Variants in MACROD2 observed in about 807,000 individuals in gnomAD.
The protein encoded by MACROD2 is mono-ADP ribosylhydrolase 2, also known as ADP-ribose glycohydrolase MACROD2.
MACROD2 carries 36 observed loss-of-function variants against 70.4 expected under a neutral mutation model. The ratio of observed to expected loss-of-function variants is 0.51; its 90% confidence interval spans 0.39 to 0.68. The LOEUF is 0.68. MACROD2 is among the 30% of genes least tolerant of loss of function. MACROD2 has a pLI of 0.00. For missense variants in MACROD2, 496 were observed against 538.4 expected, an observed-to-expected ratio of 0.92 and a Z score of 0.78; for synonymous variants, 172 against 178.8, an observed-to-expected ratio of 0.96 and a Z score of 0.30.
intron 17 of MACROD2, among the ~76,000 whole-genome samples, chr20:16,046,925 A>G (rs924229432): frequency 2.0e-5 from 3 of 151,968 alleles, no homozygotes; most frequent in African/African-American, 7.3e-5. Context: ...CAAGTGATCT[A>G]CTTGCCTCGG....
chr20:14,006,611 CT>C (rs2052825961), intron 2 of MACROD2, among the ~76,000 whole-genome samples: 1 of 151,906 alleles, frequency 6.6e-6, no homozygotes, highest in Non-Finnish European at 1.5e-5. Flanking sequence ...AGGATTTTTT[CT>C]TTTACAATTG....
intron 5 of MACROD2, among the ~76,000 whole-genome samples, chr20:15,019,174 C>T (rs79776379): frequency 0.12 from 18,044 of 151,950 alleles, 1,221 homozygotes; most frequent in Non-Finnish European, 0.14. Flanking sequence ...CGCGCGCGCG[C>T]GCGCGGAGAG....
intron 5 of MACROD2, among the ~76,000 whole-genome samples, chr20:15,096,111 A>G (rs1204132064): frequency 6.6e-6 from 1 of 152,134 alleles, no homozygotes; most frequent in South Asian, 2.1e-4. Context: ...GAAGGTAGAT[A>G]CAATTAAAGT....
chr20:15,531,338 GTAT>G (rs1481243741), intron 8 of MACROD2, among the ~76,000 whole-genome samples: 2 of 149,610 alleles, frequency 1.3e-5, no homozygotes, highest in African/African-American at 2.5e-5. Flanking sequence ...ATATAAACAT[GTAT>G]TATTTATGTT....
At chr20:14,873,254 C>G (rs368923973) in intron 5 of MACROD2, among the ~76,000 whole-genome samples, 21 of 152,114 alleles carry the variant, frequency 1.4e-4, no homozygotes, top group African/African-American at 4.8e-4. Flanking sequence ...ATTATACTTA[C>G]ATTTATTATT....
intron 2 of MACROD2, among the ~76,000 whole-genome samples, chr20:14,055,883 T>G (rs6110153): frequency 0.18 from 26,687 of 152,068 alleles, 2,564 homozygotes; most frequent in South Asian, 0.23. Context: ...TATCTGGTAT[T>G]TAGCAGAGGC....
chr20:14,301,318 G>GA (rs1158894703), intron 3 of MACROD2, among the ~76,000 whole-genome samples: 1 of 151,912 alleles, frequency 6.6e-6, no homozygotes, highest in Non-Finnish European at 1.5e-5. Context: ...AAAAAATAAA[G>GA]AAAAAATAAA....
At chr20:16,027,801 G>T (rs190125148) in intron 15 of MACROD2, among the ~76,000 whole-genome samples, 1 of 152,270 alleles carries the variant, frequency 6.6e-6, no homozygotes, top group East Asian at 1.9e-4. Context: ...GGTGCATGAT[G>T]GGGTGGAGGG....
At chr20:15,305,055 A>G (rs1286222837) in intron 6 of MACROD2, among the ~76,000 whole-genome samples, 2 of 152,162 alleles carry the variant, frequency 1.3e-5, no homozygotes, top group African/African-American at 4.8e-5. Context: ...GCCCCCACCT[A>G]CATCTCATAC....
chr20:14,359,723 A>C lies in MACROD2; in HGVS notation c.272-133756A>C, dbSNP rs193066932. ...CCGTCTCTACAAACATTAGCCTGAC[A>C]TGGTGGCACACACCTATAGTCTCAG... On this transcript the variant is annotated intron_variant, in intron 3 of 17. Coordinates refer to ENST00000684519, the MANE Select transcript of MACROD2 (RefSeq NM_001351661.2). Among the ~76,000 whole-genome samples, 220 of 152,250 alleles carry C rather than the reference A, an allele frequency of 1.4e-3. 2 individuals carry two copies. Among genetic ancestry groups the C allele is most frequent in the Admixed American group, 0.013 (204 of 15,294 alleles).
chr20:15,818,352 G>A (rs569774897), intron 8 of MACROD2, among the ~76,000 whole-genome samples: 2 of 152,272 alleles, frequency 1.3e-5, no homozygotes, highest in African/African-American at 2.4e-5. Flanking sequence ...AAAAGGGTGG[G>A]CAATTCCCAG....
intron 8 of MACROD2, among the ~76,000 whole-genome samples, chr20:15,585,850 T>C: frequency 6.6e-6 from 1 of 152,180 alleles, no homozygotes; most frequent in East Asian, 1.9e-4. Context: ...GGTGTGCTTC[T>C]GGGAAAACCC....
At chr20:15,768,340 G>A (rs11699274) in intron 8 of MACROD2, among the ~76,000 whole-genome samples, 5 of 152,044 alleles carry the variant, frequency 3.3e-5, no homozygotes, top group African/African-American at 1.2e-4. Context: ...ACATGTTACT[G>A]TACTGAATAC....
intron 5 of MACROD2, among the ~76,000 whole-genome samples, chr20:14,813,218 T>G (rs1350822381): frequency 6.6e-6 from 1 of 151,966 alleles, no homozygotes; most frequent in Non-Finnish European, 1.5e-5. Flanking sequence ...CCAGGATACA[T>G]GTACAGGGTG....
intron 3 of MACROD2, among the ~76,000 whole-genome samples, chr20:14,308,102 T>C (rs916669651): frequency 7.2e-5 from 11 of 152,154 alleles, no homozygotes; most frequent in Admixed American, 2.0e-4. Context: ...ACAGAGTCAG[T>C]GTATTTGCTC....
intron 7 of MACROD2, among the ~76,000 whole-genome samples, chr20:15,476,117 T>C (rs1488291304): frequency 6.6e-6 from 1 of 152,188 alleles, no homozygotes; most frequent in Non-Finnish European, 1.5e-5. Flanking sequence ...ATAAGTTATC[T>C]AGATTTTTGA....
chr20:14,132,201 A>T (rs2054728066), intron 3 of MACROD2, among the ~76,000 whole-genome samples: 1 of 148,546 alleles, frequency 6.7e-6, no homozygotes, highest in Non-Finnish European at 1.5e-5. Context: ...GTGTGCCACC[A>T]CACCTGGCTA....
At chr20:15,816,873 CTG>C (rs1165615171) in intron 8 of MACROD2, among the ~76,000 whole-genome samples, 2 of 152,178 alleles carry the variant, frequency 1.3e-5, no homozygotes, top group Non-Finnish European at 2.9e-5. Flanking sequence ...GATAGAAACT[CTG>C]GTAGTGATAA....
At chr20:15,381,889 T>C (rs1004574274) in intron 6 of MACROD2, among the ~76,000 whole-genome samples, 2 of 152,004 alleles carry the variant, frequency 1.3e-5, no homozygotes, top group African/African-American at 2.4e-5. Context: ...AATGGATGTG[T>C]ATAAAGGAGC....
Sources: allele counts gnomAD v4.1 joint callset (sites outside exome capture counted in the v4.1 genomes callset), GRCh38; gene constraint gnomAD v4.1.1; transcripts MANE v1.5; gene names NCBI Gene and HGNC (gene_info 2026-07-23, HGNC 2026-07-21).